The following SGCZ variants were observed in gnomAD, a reference collection of about 807,000 sequenced individuals.
SGCZ encodes zeta-sarcoglycan.
In SGCZ, 40 loss-of-function variants were observed where a neutral mutation model predicts 41.3. The observed-to-expected ratio is 0.97, with a 90% CI of 0.75 to 1.26. SGCZ has a LOEUF of 1.26. Ranked by LOEUF, SGCZ falls within the 50% of genes most tolerant of loss-of-function variation. The probability of loss-of-function intolerance (pLI) is 0.00; values close to 1 mark genes in which losing one functional copy is unlikely to be tolerated. For synonymous variants in SGCZ, 206 were observed against 137.5 expected (o/e 1.50, Z -3.49); for missense variants, 552 against 369.8 (o/e 1.49, Z -4.04).
At chr8:15,214,845 C>A (rs1263071466) in intron 1 of SGCZ, among the ~76,000 whole-genome samples, 6 of 152,106 alleles carry the variant, frequency 3.9e-5, no homozygotes, top group African/African-American at 1.2e-4. Flanking sequence ...GTTACCAGAG[C>A]AAATGAAAAC....
chr8:14,680,007 G>A (rs186186634), intron 1 of SGCZ, among the ~76,000 whole-genome samples: 1 of 152,088 alleles, frequency 6.6e-6, no homozygotes, highest in African/African-American at 2.4e-5. Context: ...TGCAGTCGAT[G>A]TGTGTAGTAG....
chr8:14,885,244 T>C (rs1466148000), intron 1 of SGCZ, among the ~76,000 whole-genome samples: 2 of 152,290 alleles, frequency 1.3e-5, no homozygotes, highest in Middle Eastern at 3.4e-3. Flanking sequence ...CATTGAGTTT[T>C]ACCTAGCATT....
intron 5 of SGCZ, among the ~76,000 whole-genome samples, chr8:14,111,286 A>T (rs575958630): frequency 4.6e-5 from 7 of 152,270 alleles, no homozygotes; most frequent in Non-Finnish European, 8.8e-5. Flanking sequence ...AATCAAGTAA[A>T]TTCAAAATTA....
intron 1 of SGCZ, among the ~76,000 whole-genome samples, chr8:14,819,904 C>A (rs1255957045): frequency 6.6e-6 from 1 of 152,060 alleles, no homozygotes; most frequent in South Asian, 2.1e-4. Flanking sequence ...GCTAGCTCCA[C>A]AGAAAACCAC....
At chr8:15,095,496 T>C (rs1010683075) in intron 1 of SGCZ, among the ~76,000 whole-genome samples, 1 of 152,246 alleles carries the variant, frequency 6.6e-6, no homozygotes, top group Non-Finnish European at 1.5e-5. Flanking sequence ...CTTTTCCTTG[T>C]AATGATCAAT....
chr8:14,820,305 A>T (rs904772025), intron 1 of SGCZ, among the ~76,000 whole-genome samples: 1 of 152,084 alleles, frequency 6.6e-6, no homozygotes, highest in South Asian at 2.1e-4. Context: ...ATTCAATAAG[A>T]GTATATAATA....
intron 1 of SGCZ, among the ~76,000 whole-genome samples, chr8:14,996,373 G>C (rs4626602): frequency 0.76 from 115,248 of 152,184 alleles, 44,429 homozygotes; most frequent in African/African-American, 0.89. Context: ...AATGAAAGTT[G>C]TTGTAGCAGC....
At chr8:15,236,782 G>T (rs190283245) in intron 1 of SGCZ, among the ~76,000 whole-genome samples, 5 of 152,324 alleles carry the variant, frequency 3.3e-5, no homozygotes, top group East Asian at 1.9e-4. Context: ...CCAAGCAGGG[G>T]ACCCCAGAGG....
chr8:15,182,082 A>T (rs965104656), intron 1 of SGCZ, among the ~76,000 whole-genome samples: 2 of 152,180 alleles, frequency 1.3e-5, no homozygotes, highest in African/African-American at 2.4e-5. Flanking sequence ...TCCGAAATTC[A>T]TGGAAGAGTA....
At chr8:15,011,273 C>T (rs13278210) in intron 1 of SGCZ, among the ~76,000 whole-genome samples, 102,413 of 151,868 alleles carry the variant, frequency 0.67, 34,712 homozygotes, top group South Asian at 0.72. Context: ...CAGAATGTTC[C>T]AGGAGGTATG....
chr8:14,178,206 G>A (rs535117203), intron 4 of SGCZ, among the ~76,000 whole-genome samples: 2 of 149,870 alleles, frequency 1.3e-5, no homozygotes, highest in South Asian at 4.2e-4. Context: ...TGCCTGCCTT[G>A]GCCTCCCAAA....
At chr8:14,216,128 A>G (rs1383620807) in intron 4 of SGCZ, among the ~76,000 whole-genome samples, 3 of 152,246 alleles carry the variant, frequency 2.0e-5, no homozygotes, top group Non-Finnish European at 4.4e-5. Flanking sequence ...GTAGCCTTGC[A>G]GGTAATGATT....
At chr8:14,618,669 T>C (rs1422951607) in intron 1 of SGCZ, among the ~76,000 whole-genome samples, 3 of 152,158 alleles carry the variant, frequency 2.0e-5, no homozygotes, top group Non-Finnish European at 4.4e-5. Flanking sequence ...ACTCTTTATG[T>C]AGGAAGTTTT....
chr8:14,848,422 T>C (rs2130647148), intron 1 of SGCZ, among the ~76,000 whole-genome samples: 1 of 152,234 alleles, frequency 6.6e-6, no homozygotes, highest in South Asian at 2.1e-4. Flanking sequence ...AGGAACCAAA[T>C]AGGAGGATTA....
intron 2 of SGCZ, among the ~76,000 whole-genome samples, chr8:14,485,194 C>G (rs1397426080): frequency 6.6e-6 from 1 of 152,134 alleles, no homozygotes; most frequent in South Asian, 2.1e-4. Flanking sequence ...CTAAAAACTA[C>G]ATTTCCTATC....
At chr8:14,429,555 A>T (rs1042642367) in intron 2 of SGCZ, among the ~76,000 whole-genome samples, 3 of 152,184 alleles carry the variant, frequency 2.0e-5, no homozygotes, top group Non-Finnish European at 4.4e-5. Context: ...CCCCCAAAGA[A>T]ATGTCCACTC....
At chr8:15,010,304 A>C (rs1472134018) in intron 1 of SGCZ, among the ~76,000 whole-genome samples, 1 of 152,206 alleles carries the variant, frequency 6.6e-6, no homozygotes, top group African/African-American at 2.4e-5. Context: ...AGAAAATAAC[A>C]TTATTAGTTT....
At chr8:15,013,240 T>A (rs1563436741) in intron 1 of SGCZ, among the ~76,000 whole-genome samples, 2 of 152,196 alleles carry the variant, frequency 1.3e-5, no homozygotes, top group Non-Finnish European at 2.9e-5. Flanking sequence ...CTCAATACAT[T>A]TCTCTCTGGC....
At chr8:14,660,443 G>A (rs2117481098) in intron 1 of SGCZ, among the ~76,000 whole-genome samples, 2 of 151,700 alleles carry the variant, frequency 1.3e-5, no homozygotes, top group Admixed American at 1.3e-4. Context: ...GTGGTGGTGG[G>A]CACCTGTAAT....
Sources: gnomAD v4.1 joint callset for allele counts (sites outside exome capture counted in the v4.1 genomes callset) on GRCh38, gnomAD v4.1.1 for gene constraint, MANE v1.5 for transcripts, NCBI Gene and HGNC (gene_info 2026-07-23, HGNC 2026-07-21) for gene names.